The following NSL1 variants were observed in gnomAD, a reference collection of about 807,000 sequenced individuals.
NSL1 encodes the protein kinetochore-associated protein NSL1 homolog.
Under a neutral mutation model 25.4 loss-of-function variants are expected in NSL1, and 11 were observed. That is an observed-to-expected ratio of 0.43 (90% CI 0.27 to 0.72). The LOEUF (loss-of-function observed/expected upper bound fraction) is 0.72. NSL1 is among the 30% of genes least tolerant of loss of function. The pLI, the probability that NSL1 is intolerant of heterozygous loss-of-function variation, is 0.19. For synonymous variants in NSL1, 118 were observed against 120.6 expected (o/e 0.98, Z 0.14); for missense variants, 330 against 342.7 (o/e 0.96, Z 0.29).
chr1:212,755,723 A>G (rs1659276447), intron 4 of NSL1, among the ~76,000 whole-genome samples: 1 of 151,772 alleles, frequency 6.6e-6, no homozygotes, highest in African/African-American at 2.4e-5. Context: ...AGGCGAAGTT[A>G]TGGTATATTT....
chr1:212,770,618 AAAG>A lies in NSL1; in HGVS notation c.499+11751_499+11753del, dbSNP rs576250656. 5.6e-4 allele frequency among the ~76,000 whole-genome samples: 86 copies of A among 152,356 alleles called. No individual in the cohort carries two copies. The Middle Eastern group carries it at 0.01, about 18-fold the overall frequency. Reference sequence around the variant, plus strand: ...TCCTGCTAAATTCTACCAAACTTATAAAGAAGAATTAACATCAATTCTTTTCAA... The same window carrying A: ...TCCTGCTAAATTCTACCAAACTTATAAAGAATTAACATCAATTCTTTTCAA... On this transcript the variant is annotated intron_variant, in intron 4 of 5. Coordinates refer to ENST00000366977, the MANE Select transcript of NSL1 (RefSeq NM_015471.4).
chr1:212,779,182 G>T (rs1660544828), intron 4 of NSL1, among the ~76,000 whole-genome samples: 1 of 151,682 alleles, frequency 6.6e-6, no homozygotes, highest in Non-Finnish European at 1.5e-5. Flanking sequence ...CACCGTCTGG[G>T]AAGTGAGGAG....
At chr1:212,764,843 C>CAAAAAAAAAAAAAAAAAAAAA (rs3086471) in intron 4 of NSL1, among the ~76,000 whole-genome samples, 12 of 38,874 alleles carry the variant, frequency 3.1e-4, no homozygotes, top group Admixed American at 5.4e-4. Context: ...AAGACTGTCT[C>CAAAAAAAAAAAAAAAAAAAAA]AAAAAAAAAA....
rs1657852717 is a variant in NSL1 at position 212,727,921 on chromosome 1, A to T, written c.*10487T>A. On this transcript the variant is annotated 3_prime_UTR_variant, in exon 6 of 6. Transcript: ENST00000366977. Reference sequence around the variant, plus strand: ...TGAAAAAAAATGAGAAGAACCAACGAGGTCGCTGTGGTGTAGCGGTGAGAG... The same window carrying T: ...TGAAAAAAAATGAGAAGAACCAACGTGGTCGCTGTGGTGTAGCGGTGAGAG... 5 of 985,450 alleles carry T rather than the reference A, an allele frequency of 5.1e-6. No individual in the cohort carries two copies. The highest frequency in any genetic ancestry group is 6.0e-6 in the Non-Finnish European group (5 of 829,936). 61.0% of individuals were successfully genotyped at this position (985,450 alleles called of 1,614,324 possible).
intron 4 of NSL1, among the ~76,000 whole-genome samples, chr1:212,763,018 C>A (rs1221278276): frequency 6.6e-6 from 1 of 152,148 alleles, no homozygotes; most frequent in Non-Finnish European, 1.5e-5. Context: ...GCTGGGCGTC[C>A]GGCCTTATGG....
intron 1 of NSL1, among the ~76,000 whole-genome samples, chr1:212,790,916 C>CT (rs1409774090): frequency 6.7e-6 from 1 of 149,062 alleles, no homozygotes; most frequent in Admixed American, 6.6e-5. Flanking sequence ...GAGCGAGACT[C>CT]TGTCTCAAAA....
intron 4 of NSL1, among the ~76,000 whole-genome samples, chr1:212,769,847 T>C (rs1373007523): frequency 6.6e-6 from 1 of 152,134 alleles, no homozygotes; most frequent in Non-Finnish European, 1.5e-5. Context: ...AGCCCTTACA[T>C]ATCAATAATA....
At position 212,727,938 on chromosome 1, in the gene NSL1, C is replaced by T. The variant is rs1392635745; in HGVS notation, c.*10470G>A. 12 of 985,242 alleles carry T rather than the reference C, an allele frequency of 1.2e-5. No individual in the cohort carries two copies. The highest frequency in any genetic ancestry group is 1.1e-4 in the East Asian group (1 of 8,834). 61.0% of individuals were successfully genotyped at this position (985,242 alleles called of 1,614,324 possible). On this transcript the variant is annotated 3_prime_UTR_variant, in exon 6 of 6. Coordinates refer to ENST00000366977, the MANE Select transcript of NSL1 (RefSeq NM_015471.4). ...AACCAACGAGGTCGCTGTGGTGTAG[C>T]GGTGAGAGCGTCTGAGACTCTGGAC... is the stretch of plus-strand genomic sequence containing the variant.
intron 4 of NSL1, among the ~76,000 whole-genome samples, chr1:212,765,953 G>A (rs1480797714): frequency 6.6e-6 from 1 of 151,886 alleles, no homozygotes; most frequent in Non-Finnish European, 1.5e-5. Context: ...TGGCCAACAC[G>A]GTGAAACCCT....
intron 4 of NSL1, among the ~76,000 whole-genome samples, chr1:212,742,824 C>T (rs1658564874): frequency 6.6e-6 from 1 of 151,972 alleles, no homozygotes; most frequent in African/African-American, 2.4e-5. Context: ...CATTGTGGTA[C>T]AAAAATATAA....
chr1:212,768,228 G>A (rs993962740), intron 4 of NSL1, among the ~76,000 whole-genome samples: 14 of 148,278 alleles, frequency 9.4e-5, no homozygotes, highest in Admixed American at 2.7e-4. Context: ...GCTGAGGCAG[G>A]AGAATGGCGT....
rs1658275400 is a variant in NSL1 at position 212,737,477 on chromosome 1, C to T, written c.*931G>A. 1 of 984,684 alleles carries T rather than the reference C, an allele frequency of 1.0e-6. No homozygotes were observed. The highest frequency in any genetic ancestry group is 6.2e-5 in the Admixed American group (1 of 16,254). 61.0% of individuals were successfully genotyped at this position (984,684 alleles called of 1,614,324 possible). Reference sequence around the variant, plus strand: ...TGCCTACACTGTATAATGTAAGACACACAATAAGAGCTATAAGAAACTATA... The same window carrying T: ...TGCCTACACTGTATAATGTAAGACATACAATAAGAGCTATAAGAAACTATA... On this transcript the variant is annotated 3_prime_UTR_variant, in exon 6 of 6. Coordinates refer to ENST00000366977, the MANE Select transcript of NSL1 (RefSeq NM_015471.4).
rs888034919 is a variant in NSL1 at position 212,732,506 on chromosome 1, C to T, written c.*5902G>A. 11 of 515,572 alleles carry T rather than the reference C, an allele frequency of 2.1e-5. No homozygotes were observed. The highest frequency in any genetic ancestry group is 2.1e-4 in the African/African-American group (10 of 48,126). 31.9% of individuals were successfully genotyped at this position (515,572 alleles called of 1,614,324 possible). A position where few individuals can be genotyped will look rare whatever the true frequency, so the allele number is the denominator to read the frequency against. On this transcript the variant is annotated 3_prime_UTR_variant, in exon 6 of 6. Transcript: ENST00000366977. ...TTTGTATTTTTAGTTGTTGGTCAGG[C>T]TGGTCTCCAATTCCCAGCCTCAGGT...
intron 4 of NSL1, among the ~76,000 whole-genome samples, chr1:212,772,041 A>G (rs1419244069): frequency 2.0e-5 from 3 of 152,192 alleles, no homozygotes; most frequent in Admixed American, 6.5e-5. Context: ...TTATAAGGGA[A>G]AACCCCTTTA....
rs1290051670 is a variant in NSL1 at position 212,726,254 on chromosome 1, G to A, written c.*12154C>T. 1 of 152,182 alleles carries A rather than the reference G, an allele frequency of 6.6e-6. No individual in the cohort carries two copies. The highest frequency in any genetic ancestry group is 1.5e-5 in the Non-Finnish European group (1 of 68,048). The allele number at this position is 152,182 out of a possible 1,614,324, so 9.4% of individuals were successfully genotyped here. A position where few individuals can be genotyped will look rare whatever the true frequency, so the allele number is the denominator to read the frequency against. ...TCAATAAATGGTGTCAGAACAGGTG[G>A]TTAGCTCTCTGGAAGAAAATGAAAG... On this transcript the variant is annotated 3_prime_UTR_variant, in exon 6 of 6. Coordinates refer to ENST00000366977, the MANE Select transcript of NSL1 (RefSeq NM_015471.4).
intron 4 of NSL1, among the ~76,000 whole-genome samples, chr1:212,740,107 A>G (rs1348221607): frequency 6.6e-6 from 1 of 152,148 alleles, no homozygotes; most frequent in East Asian, 1.9e-4. Flanking sequence ...TGCATATTCA[A>G]TGATACAGAA....
At chr1:212,775,155 T>C (rs182360340) in intron 4 of NSL1, among the ~76,000 whole-genome samples, 1 of 152,198 alleles carries the variant, frequency 6.6e-6, no homozygotes, top group Non-Finnish European at 1.5e-5. Context: ...AGGGACCACA[T>C]ACCACATGAT....
rs895460820 is a variant in NSL1 at position 212,729,444 on chromosome 1, A to G, written c.*8964T>C. On this transcript the variant is annotated 3_prime_UTR_variant, in exon 6 of 6. Transcript: ENST00000366977. ...GTAATAAAAGGTGTGGCTACGAAAA[A>G]TCATTTTACAATATTGTCTGGCACA... The G allele has an allele frequency of 2.0e-6, 2 of 985,428 alleles. No individual in the cohort carries two copies. Among genetic ancestry groups the G allele is most frequent in the Non-Finnish European group, 1.2e-6 (1 of 829,926 alleles). The allele number at this position is 985,428 out of a possible 1,614,324, so 61.0% of individuals were successfully genotyped here.
At chr1:212,740,462 G>C (rs868092111) in intron 4 of NSL1, among the ~76,000 whole-genome samples, 3 of 147,738 alleles carry the variant, frequency 2.0e-5, no homozygotes, top group South Asian at 4.4e-4. Context: ...AATGGCAACA[G>C]GATAATCTCA....
Sources: allele counts gnomAD v4.1 joint callset (sites outside exome capture counted in the v4.1 genomes callset), GRCh38; gene constraint gnomAD v4.1.1; transcripts MANE v1.5; gene names NCBI Gene and HGNC (gene_info 2026-07-23, HGNC 2026-07-21).